The following WIPF2 variants were observed in gnomAD, a reference collection of about 807,000 sequenced individuals.
WIPF2 encodes the protein WAS/WASL interacting protein family member 2, also known as WAS/WASL-interacting protein family member 2.
WIPF2 carries 23 observed loss-of-function variants against 38.8 expected under a neutral mutation model. The ratio of observed to expected loss-of-function variants is 0.59; its 90% CI spans 0.43 to 0.84. The LOEUF (loss-of-function observed/expected upper bound fraction) is 0.84. Ranked by LOEUF, WIPF2 falls within the 40% of genes least tolerant of loss-of-function variation. The pLI, the probability that WIPF2 is intolerant of heterozygous loss-of-function variation, is 0.00. For synonymous variants in WIPF2, 210 were observed against 223.2 expected (o/e 0.94, Z 0.53); for missense variants, 574 against 580.5 (o/e 0.99, Z 0.11).
chr17:40,264,777 C>A lies in WIPF2; in HGVS notation c.601C>A (p.Pro201Thr). Reference sequence around the variant, plus strand: ...TCTGCCTATGCACAGCAGCAAAGCCCCCGCCTACAACAGAGAGAAACCCTT... The same window carrying A: ...TCTGCCTATGCACAGCAGCAAAGCCACCGCCTACAACAGAGAGAAACCCTT... ...TPLPMHSSKA[P>T]AYNREKPLPP... The change falls in exon 5 of 8, where the codon CCC becomes ACC. Residue 201 changes from proline (P) to threonine (T), a missense_variant. Physicochemically the swap from Pro to Thr is conservative, Grantham distance 38 (BLOSUM62 -1). Transcript: ENST00000323571. 6.2e-7 allele frequency: 1 copy of A among 1,608,076 alleles called. No homozygotes were observed. The highest frequency in any genetic ancestry group is 8.5e-7 in the Non-Finnish European group (1 of 1,177,134).
chr17:40,226,518 G>A (rs1162815467), intron 1 of WIPF2, among the ~76,000 whole-genome samples: 1 of 151,408 alleles, frequency 6.6e-6, no homozygotes, highest in Non-Finnish European at 1.5e-5. Flanking sequence ...CCCGGCCTTT[G>A]GAATTTTCTT....
intron 1 of WIPF2, among the ~76,000 whole-genome samples, chr17:40,253,363 A>G (rs891933433): frequency 7.9e-5 from 12 of 151,908 alleles, no homozygotes; most frequent in African/African-American, 1.2e-4. Context: ...CGCCCGGCCT[A>G]TTTTCCCCTT....
chr17:40,270,107 T>A (rs1341143395), intron 5 of WIPF2, among the ~76,000 whole-genome samples: 2 of 151,506 alleles, frequency 1.3e-5, no homozygotes, highest in Non-Finnish European at 2.9e-5. Context: ...GGCTCATGCC[T>A]GTAATCCCAG....
rs1488342510 is a variant in WIPF2 at position 40,283,653 on chromosome 17, T to A, written c.*5428T>A. On this transcript the variant is annotated 3_prime_UTR_variant, in exon 8 of 8. Coordinates refer to ENST00000323571, the MANE Select transcript of WIPF2 (RefSeq NM_133264.5). ...TTTCCTTGAATCTCTTATAATTCTTTCTACCTGTGTTGCATGGCAGATTCT... is the reference window on the plus strand; with the variant it reads ...TTTCCTTGAATCTCTTATAATTCTTACTACCTGTGTTGCATGGCAGATTCT... 1 of 152,210 alleles carries A rather than the reference T, an allele frequency of 6.6e-6. No homozygotes were observed. Among genetic ancestry groups the A allele is most frequent in the African/African-American group, 2.4e-5 (1 of 41,444 alleles). 9.4% of individuals were successfully genotyped at this position (152,210 alleles called of 1,614,324 possible). A position where few individuals can be genotyped will look rare whatever the true frequency, so the allele number is the denominator to read the frequency against.
At chr17:40,236,630 A>G (rs2030980354) in intron 1 of WIPF2, among the ~76,000 whole-genome samples, 1 of 137,342 alleles carries the variant, frequency 7.3e-6, no homozygotes, top group Non-Finnish European at 1.5e-5. Context: ...TTTTTTTAAG[A>G]CGGAGTCTCA....
At chr17:40,223,328 A>G (rs956731226) in intron 1 of WIPF2, among the ~76,000 whole-genome samples, 4 of 151,630 alleles carry the variant, frequency 2.6e-5, no homozygotes, top group Admixed American at 6.6e-5. Flanking sequence ...TAGTAGAGAC[A>G]GGGTTTTGCC....
intron 1 of WIPF2, among the ~76,000 whole-genome samples, chr17:40,222,199 G>A (rs28711540): frequency 6.8e-6 from 1 of 146,294 alleles, no homozygotes; most frequent in Non-Finnish European, 1.5e-5. Context: ...GATTACAGGC[G>A]CGTGCTGCCA....
intron 1 of WIPF2, among the ~76,000 whole-genome samples, chr17:40,252,674 C>A (rs1028061733): frequency 6.7e-6 from 1 of 149,684 alleles, no homozygotes; most frequent in Admixed American, 6.7e-5. Context: ...AAAAAAAAAA[C>A]TAGAAACCTC....
chr17:40,241,448 A>G (rs965489387), intron 1 of WIPF2, among the ~76,000 whole-genome samples: 1 of 152,042 alleles, frequency 6.6e-6, no homozygotes, highest in Non-Finnish European at 1.5e-5. Context: ...TTTGGTCTGG[A>G]TTTCTGAATT....
rs1022957205 is a variant in WIPF2 at position 40,283,200 on chromosome 17, G to A, written c.*4975G>A. On this transcript the variant is annotated 3_prime_UTR_variant, in exon 8 of 8. Transcript: ENST00000323571. ...AAAAAAAAAAAAAAAAAATTCTAGA[G>A]TTCTAGTTACCCTTCCTGGGAGATT... The A allele has an allele frequency of 8.3e-6, 1 of 120,946 alleles. No individual in the cohort carries two copies. The highest frequency in any genetic ancestry group is 3.1e-5 in the African/African-American group (1 of 31,918). The allele number at this position is 120,946 out of a possible 1,614,324, so 7.5% of individuals were successfully genotyped here. A position where few individuals can be genotyped will look rare whatever the true frequency, so the allele number is the denominator to read the frequency against.
intron 1 of WIPF2, among the ~76,000 whole-genome samples, chr17:40,253,945 T>C (rs1380832598): frequency 6.6e-6 from 1 of 152,112 alleles, no homozygotes; most frequent in African/African-American, 2.4e-5. Context: ...ACTGCATTAT[T>C]GACAGAGAGG....
chr17:40,220,569 GTGTGTATATATATATATATATATATA>G lies in WIPF2; in HGVS notation c.-70+1079_-70+1104del, dbSNP rs1222829030. The G allele has an allele frequency of 5.0e-3, 457 of 91,988 alleles. 2 individuals carry two copies. Among genetic ancestry groups the G allele is most frequent in the African/African-American group, 0.021 (444 of 21,370 alleles). The allele number at this position is 91,988 out of a possible 1,614,324, so 5.7% of individuals were successfully genotyped here. On this transcript the variant is annotated intron_variant, in intron 1 of 7. Coordinates refer to ENST00000323571, the MANE Select transcript of WIPF2 (RefSeq NM_133264.5). ...ACCACTACTCCCGCCTAACGTGTGT[GTGTGTATATATATATATATATATATA>G]TATATATATATATATATATATATGT...
rs1321425727 is a variant in WIPF2 at position 40,282,294 on chromosome 17, T to G, written c.*4069T>G. On this transcript the variant is annotated 3_prime_UTR_variant, in exon 8 of 8. Coordinates refer to ENST00000323571, the MANE Select transcript of WIPF2 (RefSeq NM_133264.5). ...TCTTTCTACTCTTGTTTCTGGCAAT[T>G]TAGTGGGTTCCTTCTCTAGTGGTCT... 4 of 152,184 alleles carry G rather than the reference T, an allele frequency of 2.6e-5. No homozygotes were observed. The highest frequency in any genetic ancestry group is 5.9e-5 in the Non-Finnish European group (4 of 68,042). 9.4% of individuals were successfully genotyped at this position (152,184 alleles called of 1,614,324 possible).
At chr17:40,268,596 AT>A (rs1051722252) in intron 5 of WIPF2, among the ~76,000 whole-genome samples, 1 of 151,632 alleles carries the variant, frequency 6.6e-6, no homozygotes, top group Admixed American at 6.6e-5. Context: ...GCTCATTAAA[AT>A]TTTTTTTTAT....
At chr17:40,268,326 A>T (rs1221287400) in intron 5 of WIPF2, among the ~76,000 whole-genome samples, 1 of 152,098 alleles carries the variant, frequency 6.6e-6, no homozygotes, top group Non-Finnish European at 1.5e-5. Flanking sequence ...CTTTAGCCAT[A>T]ATGAGGTAGT....
At chr17:40,278,155 G>A (rs1432759956) in intron 7 of WIPF2, 30 bp from the exon 8 acceptor site, 1 of 1,606,264 alleles carries the variant, frequency 6.2e-7, no homozygotes, top group South Asian at 1.1e-5. Context: ...TGACCTGTAT[G>A]TGTGTGGTCT....
In WIPF2 at chr17:40,265,118, A is replaced by G. The variant is rs1387063053; in HGVS notation, c.942A>G (p.Pro314=). 6.2e-7 allele frequency: 1 copy of G among 1,610,822 alleles called. No homozygotes were observed. Among genetic ancestry groups the G allele is most frequent in the East Asian group, 2.2e-5 (1 of 44,826 alleles). The change falls in exon 5 of 8, where the codon CCA becomes CCG. Residue 314 remains proline (P), a synonymous_variant. Coordinates refer to ENST00000323571, the MANE Select transcript of WIPF2 (RefSeq NM_133264.5). ...TACTGAGTAATAGGCCACCTCCCCCAGCCCGAGACCCTCCCAGTCGGGGAG... is the reference window on the plus strand; with the variant it reads ...TACTGAGTAATAGGCCACCTCCCCCGGCCCGAGACCCTCCCAGTCGGGGAG... The part of the protein sequence containing the change: ...PSLLSNRPPP[P]ARDPPSRGAA...
intron 5 of WIPF2, among the ~76,000 whole-genome samples, chr17:40,266,785 T>A (rs1362848957): frequency 1.3e-5 from 2 of 152,030 alleles, no homozygotes; most frequent in Non-Finnish European, 2.9e-5. Context: ...ACAGATTGCC[T>A]GAATAATGAC....
intron 1 of WIPF2, among the ~76,000 whole-genome samples, chr17:40,236,765 C>T (rs913887362): frequency 2.6e-5 from 4 of 152,056 alleles, no homozygotes; most frequent in East Asian, 1.9e-4. Flanking sequence ...CCCACCATCA[C>T]GGCCGGCTAA....
Sources: allele counts gnomAD v4.1 joint callset (sites outside exome capture counted in the v4.1 genomes callset), GRCh38; gene constraint gnomAD v4.1.1; transcripts MANE v1.5; gene names NCBI Gene and HGNC (gene_info 2026-07-23, HGNC 2026-07-21).